IPO5: variants seen among roughly 807,000 people sequenced by gnomAD.
The protein encoded by IPO5 is importin-5.
In IPO5, 18 loss-of-function variants were observed where a neutral mutation model predicts 143.3. That is an observed-to-expected ratio of 0.13 (90% confidence interval 0.09 to 0.19). IPO5 has a LOEUF of 0.19. Ranked by LOEUF, IPO5 falls within the 10% of genes least tolerant of loss-of-function variation. The pLI, the probability that IPO5 is intolerant of heterozygous loss-of-function variation, is 1.00. For missense variants in IPO5, 1,013 were observed against 1,336.9 expected, an observed-to-expected ratio of 0.76 and a Z score of 3.78; for synonymous variants, 477 against 465.7, an observed-to-expected ratio of 1.02 and a Z score of -0.31.
chr13:98,014,742 ATACTC>A (rs1429192723), intron 22 of IPO5, among the ~76,000 whole-genome samples: 1 of 152,080 alleles, frequency 6.6e-6, no homozygotes, highest in Non-Finnish European at 1.5e-5. Flanking sequence ...GAAATTCTGA[ATACTC>A]TAGTATTTTA....
intron 13 of IPO5, chr13:98,002,237 G>A (rs530278673): frequency 1.4e-4 from 40 of 286,506 alleles, no homozygotes; most frequent in Middle Eastern, 1.1e-3. Context: ...GGATGGTCTC[G>A]ATCTCCTGAC....
chr13:98,018,777 A>G, intron 26 of IPO5, 73 bp downstream of exon 26: 1 of 1,032,962 alleles, frequency 9.7e-7, no homozygotes, highest in Non-Finnish European at 1.5e-6. Context: ...TCTCTTTACC[A>G]CACTCCCAAA....
At position 97,976,795 on chromosome 13, in the gene IPO5, G is replaced by T. The variant is rs760541398; in HGVS notation, c.90+9G>T. 1 of 1,301,224 alleles carries T rather than the reference G, an allele frequency of 7.7e-7. No individual in the cohort carries two copies. The highest frequency in any genetic ancestry group is 1.0e-6 in the Non-Finnish European group (1 of 974,956). 80.6% of individuals were successfully genotyped at this position (1,301,224 alleles called of 1,614,324 possible). On this transcript the variant is annotated intron_variant, in intron 4 of 28. Transcript: ENST00000651721. ...TCCGGAAACAGGCAGAGGTAACCGA[G>T]TTCGCCGCCCCAGTCTTCGCGCCCT... is the stretch of plus-strand genomic sequence containing the variant.
At chr13:97,994,167 A>G (rs607004) in intron 11 of IPO5, among the ~76,000 whole-genome samples, 11,529 of 152,120 alleles carry the variant, frequency 0.076, 723 homozygotes, top group East Asian at 0.34. Flanking sequence ...AATTAGCCAG[A>G]TGTGGTGGTG....
intron 9 of IPO5, 24 bp downstream of exon 9, chr13:97,990,561 T>A (rs1384113949): frequency 7.7e-7 from 1 of 1,294,078 alleles, no homozygotes; most frequent in African/African-American, 1.5e-5. Flanking sequence ...ATAGAATAAA[T>A]CATAATTATA....
intron 3 of IPO5, among the ~76,000 whole-genome samples, chr13:97,973,513 A>T (rs1469291099): frequency 6.6e-6 from 1 of 152,204 alleles, no homozygotes; most frequent in Non-Finnish European, 1.5e-5. Context: ...GGTTTTCTGG[A>T]CACCAGAACC....
intron 1 of IPO5, 23 bp downstream of exon 1, chr13:97,953,739 A>C (rs1295297991): frequency 3.1e-6 from 1 of 318,708 alleles, no homozygotes; most frequent in East Asian, 9.0e-5. Context: ...AAAACCTCAC[A>C]TTCAGATGAA....
At chr13:97,995,009 C>T (rs1483163223) in intron 11 of IPO5, among the ~76,000 whole-genome samples, 2 of 151,752 alleles carry the variant, frequency 1.3e-5, no homozygotes, top group Non-Finnish European at 2.9e-5. Context: ...GCCTGTGGTT[C>T]CAGCTACTCA....
At chr13:97,998,643 C>T (rs949207361) in intron 12 of IPO5, among the ~76,000 whole-genome samples, 1 of 152,156 alleles carries the variant, frequency 6.6e-6, no homozygotes, top group African/African-American at 2.4e-5. Context: ...TGGCCCCTTA[C>T]ATGTATGTGA....
At chr13:98,014,821 C>G (rs1889993618) in intron 22 of IPO5, among the ~76,000 whole-genome samples, 1 of 149,884 alleles carries the variant, frequency 6.7e-6, no homozygotes, top group South Asian at 2.1e-4. Flanking sequence ...GTTCTTTACA[C>G]TTTCCTCAAT....
intron 2 of IPO5, among the ~76,000 whole-genome samples, chr13:97,961,408 C>T (rs982484380): frequency 6.6e-5 from 10 of 152,160 alleles, no homozygotes; most frequent in African/African-American, 1.9e-4. Context: ...CTCGGCTCAA[C>T]GCAACCTCTG....
intron 11 of IPO5, among the ~76,000 whole-genome samples, chr13:97,995,734 A>G (rs775610): frequency 0.075 from 11,451 of 152,056 alleles, 709 homozygotes; most frequent in East Asian, 0.34. Flanking sequence ...CAGCCTGGGC[A>G]ACAGAGCAAG....
At chr13:98,017,549 C>T (rs1227742576) in intron 25 of IPO5, among the ~76,000 whole-genome samples, 8 of 151,946 alleles carry the variant, frequency 5.3e-5, no homozygotes, top group Non-Finnish European at 8.8e-5. Flanking sequence ...CCACCCGCCT[C>T]GGCCTCCCAA....
At chr13:97,966,117 G>C (rs778713785) in intron 2 of IPO5, among the ~76,000 whole-genome samples, 1 of 128,290 alleles carries the variant, frequency 7.8e-6, no homozygotes, top group Non-Finnish European at 1.6e-5. Context: ...CTGGGTGACA[G>C]AGCAAGGCCC....
At chr13:97,998,703 C>T (rs565142072) in intron 12 of IPO5, among the ~76,000 whole-genome samples, 21 of 152,188 alleles carry the variant, frequency 1.4e-4, no homozygotes, top group African/African-American at 4.3e-4. Context: ...ATTAGCAGTC[C>T]CAGAGGTGTA....
At chr13:98,013,570 A>G (rs1419548744) in intron 21 of IPO5, among the ~76,000 whole-genome samples, 1 of 152,162 alleles carries the variant, frequency 6.6e-6, no homozygotes, top group Non-Finnish European at 1.5e-5. Context: ...GATTGCTTTT[A>G]AGAGGAAGTT....
chr13:97,988,400 T>G (rs1306846606), intron 6 of IPO5, among the ~76,000 whole-genome samples: 2 of 152,230 alleles, frequency 1.3e-5, no homozygotes, highest in Non-Finnish European at 2.9e-5. Context: ...CTTTTTCAAC[T>G]CTTTAATAGC....
intron 6 of IPO5, among the ~76,000 whole-genome samples, chr13:97,987,472 C>G (rs563978650): frequency 1.4e-4 from 21 of 152,208 alleles, no homozygotes; most frequent in Admixed American, 1.4e-3. Flanking sequence ...TTATGTCAAC[C>G]ATTTCTTAGA....
intron 16 of IPO5, among the ~76,000 whole-genome samples, chr13:98,004,004 T>A (rs966414215): frequency 1.3e-5 from 2 of 152,140 alleles, no homozygotes; most frequent in Admixed American, 6.5e-5. Flanking sequence ...CTGAAAACAA[T>A]TGAATGATGT....
Sources: gnomAD v4.1 joint callset for allele counts (sites outside exome capture counted in the v4.1 genomes callset) on GRCh38, gnomAD v4.1.1 for gene constraint, MANE v1.5 for transcripts, NCBI Gene and HGNC (gene_info 2026-07-23, HGNC 2026-07-21) for gene names.